ZNF385D: variants seen among roughly 807,000 people sequenced by gnomAD.
ZNF385D encodes zinc finger protein 385D, also known as zinc finger protein 659.
A neutral mutation model predicts 35.8 loss-of-function variants in ZNF385D; 15 were observed. The ratio of observed to expected loss-of-function variants is 0.42; its 90% confidence interval spans 0.28 to 0.64. The LOEUF (loss-of-function observed/expected upper bound fraction) is 0.64. Among genes scored for constraint, ZNF385D ranks in the 30% least tolerant of loss-of-function variants. The probability of loss-of-function intolerance (pLI) is 0.23; values close to 1 mark genes in which losing one functional copy is unlikely to be tolerated. For missense variants in ZNF385D, 474 were observed against 494.6 expected, an observed-to-expected ratio of 0.96 and a Z score of 0.39; for synonymous variants, 212 against 186.8, an observed-to-expected ratio of 1.13 and a Z score of -1.10.
intron 3 of ZNF385D, among the ~76,000 whole-genome samples, chr3:22,081,360 C>T (rs1405269002): frequency 1.3e-5 from 2 of 152,130 alleles, no homozygotes; most frequent in Admixed American, 1.3e-4. Flanking sequence ...TTTAAGCAAG[C>T]TGCTCAGCCT....
At chr3:22,347,194 TCATAA>T (rs1695698505) in intron 2 of ZNF385D, among the ~76,000 whole-genome samples, 1 of 152,360 alleles carries the variant, frequency 6.6e-6, no homozygotes, top group Non-Finnish European at 1.5e-5. Flanking sequence ...TATGGTTTGC[TCATAA>T]CATGTTTATT....
At chr3:21,924,136 G>C (rs775278863) in intron 3 of ZNF385D, among the ~76,000 whole-genome samples, 8 of 152,092 alleles carry the variant, frequency 5.3e-5, no homozygotes, top group Non-Finnish European at 7.4e-5. Context: ...CATTAAAAAA[G>C]TAAGTAGTAA....
chr3:22,000,701 T>C (rs887085803), intron 3 of ZNF385D, among the ~76,000 whole-genome samples: 5 of 151,890 alleles, frequency 3.3e-5, no homozygotes, highest in Admixed American at 2.6e-4. Flanking sequence ...TAATAGCAGA[T>C]TAATAGCAGA....
chr3:21,663,831 A>T (rs1348922839), intron 2 of ZNF385D, among the ~76,000 whole-genome samples: 5 of 145,298 alleles, frequency 3.4e-5, no homozygotes, highest in Non-Finnish European at 1.5e-5. Context: ...GTGACAAAGT[A>T]CTGTTAAGGA....
intron 3 of ZNF385D, among the ~76,000 whole-genome samples, chr3:21,521,283 G>A (rs545088258): frequency 6.6e-6 from 1 of 152,254 alleles, no homozygotes; most frequent in South Asian, 2.1e-4. Flanking sequence ...AAGACCACAA[G>A]TAACTTCTAA....
intron 3 of ZNF385D, among the ~76,000 whole-genome samples, chr3:21,858,258 CA>C (rs1696844562): frequency 6.6e-6 from 1 of 151,676 alleles, no homozygotes; most frequent in African/African-American, 2.4e-5. Flanking sequence ...TCAGAAGAGG[CA>C]ATTCTGAGGG....
At chr3:21,514,455 C>T (rs1351079516) in intron 3 of ZNF385D, among the ~76,000 whole-genome samples, 1 of 152,078 alleles carries the variant, frequency 6.6e-6, no homozygotes, top group African/African-American at 2.4e-5. Flanking sequence ...TACCTCCTAC[C>T]TATCTTAAAT....
At chr3:21,673,603 C>T (rs765732107) in intron 1 of ZNF385D, among the ~76,000 whole-genome samples, 14 of 152,100 alleles carry the variant, frequency 9.2e-5, no homozygotes, top group Non-Finnish European at 1.2e-4. Context: ...AAGAAATCAT[C>T]GTCCATTTCT....
chr3:21,631,392 T>C (rs893255452), intron 2 of ZNF385D, among the ~76,000 whole-genome samples: 3 of 152,042 alleles, frequency 2.0e-5, no homozygotes, highest in Non-Finnish European at 2.9e-5. Flanking sequence ...GCCCACCTCC[T>C]CTTATCAGCC....
chr3:22,074,801 T>G (rs1700387654), intron 3 of ZNF385D, among the ~76,000 whole-genome samples: 2 of 151,870 alleles, frequency 1.3e-5, no homozygotes, highest in Admixed American at 6.6e-5. Context: ...ATAGATGAAG[T>G]GGGTCTCTGT....
chr3:21,715,815 T>C (rs966757842), intron 1 of ZNF385D, among the ~76,000 whole-genome samples: 2 of 152,182 alleles, frequency 1.3e-5, no homozygotes, highest in African/African-American at 4.8e-5. Flanking sequence ...TTTGCATCTC[T>C]AGTCTAGACT....
intron 3 of ZNF385D, among the ~76,000 whole-genome samples, chr3:21,760,244 G>A (rs7612252): frequency 0.023 from 3,551 of 152,122 alleles, 140 homozygotes; most frequent in African/African-American, 0.08. Flanking sequence ...TGCAGTATTC[G>A]CCACCACGAA....
Position 21,542,101 on chromosome 3 carries a change from C to A in ZNF385D, c.276+22473G>T, listed in dbSNP as rs556895780. Among the ~76,000 whole-genome samples, 3 of 152,146 alleles carry A rather than the reference C, an allele frequency of 2.0e-5. No homozygotes were observed. In the East Asian group the frequency reaches 5.8e-4, roughly 29 times the overall value. ...AACTCGGAGGCTTCTACAAAACAAG[C>A]TTTCAGAATCATAAGAACAAGTTTC... On this transcript the variant is annotated intron_variant, in intron 3 of 7. Coordinates refer to ENST00000281523, the MANE Select transcript of ZNF385D (RefSeq NM_024697.3).
intron 2 of ZNF385D, among the ~76,000 whole-genome samples, chr3:22,238,081 T>C (rs573128052): frequency 6.6e-6 from 1 of 151,328 alleles, no homozygotes; most frequent in African/African-American, 2.4e-5. Flanking sequence ...GTTGTCTTTG[T>C]AGTCTTGTTA....
chr3:21,811,511 T>A (rs900916435), intron 3 of ZNF385D, among the ~76,000 whole-genome samples: 1 of 152,136 alleles, frequency 6.6e-6, no homozygotes, highest in African/African-American at 2.4e-5. Context: ...TATGTTAAAA[T>A]GTGAGAATTC....
chr3:21,510,558 A>G (rs1707125110), intron 4 of ZNF385D, among the ~76,000 whole-genome samples: 1 of 152,218 alleles, frequency 6.6e-6, no homozygotes, highest in South Asian at 2.1e-4. Context: ...AATGCTGCAC[A>G]CTGAAAAGGT....
chr3:22,308,078 T>C (rs140413471), intron 2 of ZNF385D, among the ~76,000 whole-genome samples: 121 of 152,220 alleles, frequency 7.9e-4, no homozygotes, highest in African/African-American at 2.9e-3. Context: ...GGTAGAATAG[T>C]TTAAAGCACT....
intron 3 of ZNF385D, among the ~76,000 whole-genome samples, chr3:22,079,093 G>A (rs994899622): frequency 7.9e-5 from 12 of 152,026 alleles, no homozygotes; most frequent in East Asian, 5.8e-4. Flanking sequence ...GTGAACAGAA[G>A]TGTGGATTAA....
At chr3:22,155,764 A>G (rs941383247) in intron 3 of ZNF385D, among the ~76,000 whole-genome samples, 4 of 152,092 alleles carry the variant, frequency 2.6e-5, no homozygotes, top group African/African-American at 9.7e-5. Flanking sequence ...AAAACCTTAT[A>G]TTGTCTTCAT....
Sources: gnomAD v4.1 joint callset for allele counts (sites outside exome capture counted in the v4.1 genomes callset) on GRCh38, gnomAD v4.1.1 for gene constraint, MANE v1.5 for transcripts, NCBI Gene and HGNC (gene_info 2026-07-23, HGNC 2026-07-21) for gene names.